Variants in MDGA1 observed in about 807,000 individuals in gnomAD.
MDGA1 encodes the protein MAM domain containing glycosylphosphatidylinositol anchor 1.
In MDGA1, 54 loss-of-function variants were observed where a neutral mutation model predicts 101.5. The ratio of observed to expected loss-of-function variants is 0.53; its 90% CI spans 0.43 to 0.67. The LOEUF (loss-of-function observed/expected upper bound fraction) is 0.67, where lower values mean the gene tolerates loss of function less well. MDGA1 is among the 30% of genes least tolerant of loss of function. MDGA1 has a pLI of 0.00. For synonymous variants in MDGA1, 533 were observed against 558.3 expected (o/e 0.95, Z 0.64); for missense variants, 1,083 against 1,323.8 (o/e 0.82, Z 2.82).
chr6:37,656,451 C>A (rs183007488), intron 3 of MDGA1, among the ~76,000 whole-genome samples: 7 of 151,982 alleles, frequency 4.6e-5, no homozygotes, highest in Admixed American at 2.0e-4. Flanking sequence ...TCGCTCACTG[C>A]AGCCTCAACC....
chr6:37,635,585 CA>C lies in MDGA1; in HGVS notation c.*1782del, dbSNP rs1386749926. The stretch of plus-strand genomic sequence containing the variant: ...GGTGATAATGATCACACAGGCCTGG[CA>C]GGGGGAGATGGGCAGCCTTTGCCTC... On this transcript the variant is annotated 3_prime_UTR_variant, in exon 17 of 17. Transcript: ENST00000434837. 19 of 398,588 alleles carry C rather than the reference CA, an allele frequency of 4.8e-5. No homozygotes were observed. The highest frequency in any genetic ancestry group is 7.1e-5 in the Non-Finnish European group (16 of 226,124). 24.7% of individuals were successfully genotyped at this position (398,588 alleles called of 1,614,324 possible).
At chr6:37,674,910 A>T in intron 1 of MDGA1, among the ~76,000 whole-genome samples, 1 of 152,102 alleles carries the variant, frequency 6.6e-6, no homozygotes, top group East Asian at 1.9e-4. Flanking sequence ...ACAAAAAATT[A>T]GCTGAGTGTG....
Position 37,637,202 on chromosome 6 carries a change from G to A in MDGA1, c.*166C>T. ...GCTGTCTCCAGGGCCTCAGTGCCTG[G>A]CCTCTGTCCTTGTTCTCTGCTCATC... On this transcript the variant is annotated 3_prime_UTR_variant, in exon 17 of 17. Transcript: ENST00000434837. The A allele has an allele frequency of 1.7e-6, 1 of 586,670 alleles. No individual in the cohort carries two copies. The highest frequency in any genetic ancestry group is 3.1e-6 in the Non-Finnish European group (1 of 325,798). 36.3% of individuals were successfully genotyped at this position (586,670 alleles called of 1,614,324 possible). A position where few individuals can be genotyped will look rare whatever the true frequency, so the allele number is the denominator to read the frequency against.
In MDGA1 at chr6:37,677,261, G is replaced by A. The variant is rs149694369; in HGVS notation, c.68-13155C>T. On this transcript the variant is annotated intron_variant, in intron 1 of 16. Transcript: ENST00000434837. Reference sequence around the variant, plus strand: ...TGCACAACACCAGCTCAAACTTTCCGTCACACAACCCGGCAGTGCGAAATG... The same window carrying A: ...TGCACAACACCAGCTCAAACTTTCCATCACACAACCCGGCAGTGCGAAATG... 4.3e-3 allele frequency among the ~76,000 whole-genome samples: 652 copies of A among 152,258 alleles called. 9 individuals are homozygous for A. The highest frequency in any genetic ancestry group is 0.014 in the African/African-American group (600 of 41,536).
At chr6:37,690,151 C>T (rs572497468) in intron 1 of MDGA1, among the ~76,000 whole-genome samples, 36 of 152,230 alleles carry the variant, frequency 2.4e-4, no homozygotes, top group Non-Finnish European at 4.7e-4. Context: ...GCCTTTGCAG[C>T]GGCTATTCCT....
At chr6:37,682,138 C>G (rs1762108950) in intron 1 of MDGA1, among the ~76,000 whole-genome samples, 1 of 152,196 alleles carries the variant, frequency 6.6e-6, no homozygotes, top group African/African-American at 2.4e-5. Context: ...TACAGCAGGG[C>G]CACCAGCTTG....
At chr6:37,644,426 T>A in intron 13 of MDGA1, 71 bp downstream of exon 13, 1 of 1,407,096 alleles carries the variant, frequency 7.1e-7, no homozygotes, top group Non-Finnish European at 9.4e-7. Flanking sequence ...TCATCCCCAG[T>A]CTGGGGTGCC....
intron 9 of MDGA1, among the ~76,000 whole-genome samples, chr6:37,647,861 G>A (rs1264472782): frequency 1.3e-5 from 2 of 152,068 alleles, no homozygotes; most frequent in African/African-American, 4.8e-5. Context: ...GTGACCTGCC[G>A]TCCTATCCCC....
chr6:37,641,127 G>A (rs2113998533), intron 14 of MDGA1, among the ~76,000 whole-genome samples: 1 of 152,272 alleles, frequency 6.6e-6, no homozygotes, highest in South Asian at 2.1e-4. Flanking sequence ...GGCACCAGCT[G>A]TCCCCAGACC....
intron 11 of MDGA1, 91 bp downstream of exon 11, chr6:37,646,107 A>G: frequency 6.4e-7 from 1 of 1,555,346 alleles, no homozygotes; most frequent in South Asian, 1.2e-5. Flanking sequence ...ACGGTGGGGA[A>G]CCCCAAGCTT....
At chr6:37,673,905 G>A (rs1761923496) in intron 1 of MDGA1, among the ~76,000 whole-genome samples, 1 of 152,106 alleles carries the variant, frequency 6.6e-6, no homozygotes, top group South Asian at 2.1e-4. Flanking sequence ...ACTCATGTTC[G>A]AGTCCATTTC....
chr6:37,647,332 G>A lies in MDGA1; in HGVS notation c.1895-8C>T, dbSNP rs756538014. 34 of 1,524,678 alleles carry A rather than the reference G, an allele frequency of 2.2e-5. No individual in the cohort carries two copies. The highest frequency in any genetic ancestry group is 2.7e-5 in the Non-Finnish European group (30 of 1,129,658). 94.4% of individuals were successfully genotyped at this position (1,524,678 alleles called of 1,614,324 possible). ...CCGGGCTGTAGGCTTTGGCTAAGAGGGCGGGGAGGGGGGCATTGGGCCGTG... is the reference window on the plus strand; with the variant it reads ...CCGGGCTGTAGGCTTTGGCTAAGAGAGCGGGGAGGGGGGCATTGGGCCGTG... On this transcript the variant is annotated splice_region_variant and splice_polypyrimidine_tract_variant and intron_variant, in intron 9 of 16. Coordinates refer to ENST00000434837, the MANE Select transcript of MDGA1 (RefSeq NM_153487.4).
At chr6:37,683,334 T>C (rs1762134189) in intron 1 of MDGA1, among the ~76,000 whole-genome samples, 2 of 152,198 alleles carry the variant, frequency 1.3e-5, no homozygotes, top group South Asian at 2.1e-4. Context: ...AATGGAGGCT[T>C]GTACATGCAG....
intron 1 of MDGA1, among the ~76,000 whole-genome samples, chr6:37,685,039 T>C (rs1183085974): frequency 2.6e-5 from 4 of 152,164 alleles, no homozygotes; most frequent in African/African-American, 7.2e-5. Flanking sequence ...CAGTGGCTCA[T>C]ACTTGTAATC....
chr6:37,655,050 T>C lies in MDGA1; in HGVS notation c.580-118A>G. 1 of 1,267,610 alleles carries C rather than the reference T, an allele frequency of 7.9e-7. No individual in the cohort carries two copies. Among genetic ancestry groups the C allele is most frequent in the Non-Finnish European group, 1.1e-6 (1 of 924,356 alleles). 78.5% of individuals were successfully genotyped at this position (1,267,610 alleles called of 1,614,324 possible). On this transcript the variant is annotated intron_variant, in intron 4 of 16. Transcript: ENST00000434837. This position sits in a 1 kb window ranked among gnomAD's most constrained non-coding sequence, Gnocchi z 5.1. The stretch of plus-strand genomic sequence containing the variant: ...TGCCTGTCTAATTCCTCTCTTTCCA[T>C]CCCCAACCCCACCCTCACCATTTAG...
chr6:37,667,966 C>T (rs1561854987), intron 1 of MDGA1, among the ~76,000 whole-genome samples: 1 of 152,116 alleles, frequency 6.6e-6, no homozygotes, highest in Non-Finnish European at 1.5e-5. Context: ...GATTATCCAG[C>T]TCCTGGCCAG....
chr6:37,682,824 T>C (rs938887322), intron 1 of MDGA1, among the ~76,000 whole-genome samples: 1 of 152,094 alleles, frequency 6.6e-6, no homozygotes, highest in Non-Finnish European at 1.5e-5. Flanking sequence ...CAGTTATTAG[T>C]GAAGAGAGAG....
At chr6:37,694,362 T>C (rs1762374462) in intron 1 of MDGA1, among the ~76,000 whole-genome samples, 1 of 152,200 alleles carries the variant, frequency 6.6e-6, no homozygotes, top group Non-Finnish European at 1.5e-5. Context: ...TGCCCCCAAC[T>C]ATAGCCCTTT....
chr6:37,674,907 A>C (rs1187165345), intron 1 of MDGA1, among the ~76,000 whole-genome samples: 1 of 152,104 alleles, frequency 6.6e-6, no homozygotes, highest in East Asian at 1.9e-4. Flanking sequence ...AATACAAAAA[A>C]TTAGCTGAGT....
Sources: allele counts gnomAD v4.1 joint callset (sites outside exome capture counted in the v4.1 genomes callset), GRCh38; gene constraint gnomAD v4.1.1; non-coding constraint Gnocchi (gnomAD v3.1); transcripts MANE v1.5; gene names NCBI Gene and HGNC (gene_info 2026-07-23, HGNC 2026-07-21).